The following ZNF148 variants were observed in gnomAD, a reference collection of about 807,000 sequenced individuals.
The protein encoded by ZNF148 is zinc finger protein 148, also known as Beta-Enolase Repressor Factor-1.
ZNF148 carries 7 observed loss-of-function variants against 67.7 expected under a neutral mutation model. That is an observed-to-expected ratio of 0.10 (90% CI 0.06 to 0.19). The LOEUF (loss-of-function observed/expected upper bound fraction) is 0.19, where lower values mean the gene tolerates loss of function less well. ZNF148 is among the 10% of genes least tolerant of loss of function. The pLI is 1.00. For synonymous variants in ZNF148, 333 were observed against 330.7 expected, an observed-to-expected ratio of 1.01 and a Z score of -0.08; for missense variants, 583 against 947.1, an observed-to-expected ratio of 0.62 and a Z score of 5.05.
Position 125,294,049 on chromosome 3 carries a change from C to T in ZNF148, c.334-5821G>A, listed in dbSNP as rs918025367. Among the ~76,000 whole-genome samples, 4 of 152,218 alleles carry T rather than the reference C, an allele frequency of 2.6e-5. No individual in the cohort carries two copies. In the South Asian group the frequency reaches 8.3e-4, roughly 32 times the overall value. On this transcript the variant is annotated intron_variant, in intron 4 of 8. Coordinates refer to ENST00000360647, the MANE Select transcript of ZNF148 (RefSeq NM_021964.3). Reference sequence around the variant, plus strand: ...TTAAGACCTATCCACATTATGTGCCCCCGATATGATGCACTGAGGGGGACA... The same window carrying T: ...TTAAGACCTATCCACATTATGTGCCTCCGATATGATGCACTGAGGGGGACA...
chr3:125,276,456 G>A (rs976042476), intron 7 of ZNF148, among the ~76,000 whole-genome samples: 1 of 151,380 alleles, frequency 6.6e-6, no homozygotes, highest in Non-Finnish European at 1.5e-5. Context: ...TTTTTGAGAC[G>A]GAGTTTCACT....
intron 1 of ZNF148, among the ~76,000 whole-genome samples, chr3:125,369,357 T>C (rs1394153919): frequency 6.8e-5 from 6 of 88,154 alleles, no homozygotes; most frequent in African/African-American, 2.3e-4. Context: ...ACTAAAACTC[T>C]CCAGAAGACA....
intron 7 of ZNF148, among the ~76,000 whole-genome samples, chr3:125,272,119 C>A (rs1022280509): frequency 6.6e-6 from 1 of 152,200 alleles, no homozygotes; most frequent in Non-Finnish European, 1.5e-5. Context: ...AAGCCTAAAT[C>A]AAATTCACTC....
At chr3:125,362,586 A>C (rs1416922002) in intron 1 of ZNF148, among the ~76,000 whole-genome samples, 3 of 146,098 alleles carry the variant, frequency 2.1e-5, no homozygotes, top group Non-Finnish European at 4.5e-5. Flanking sequence ...ACGGGCTCTT[A>C]CTCTGTCACC....
At chr3:125,258,681 A>G (rs1049941311) in intron 7 of ZNF148, among the ~76,000 whole-genome samples, 5 of 152,216 alleles carry the variant, frequency 3.3e-5, no homozygotes, top group Admixed American at 1.3e-4. Context: ...CCCATATGAT[A>G]TAAGTTAAAT....
intron 1 of ZNF148, among the ~76,000 whole-genome samples, chr3:125,336,221 G>C (rs141800692): frequency 2.0e-5 from 3 of 152,126 alleles, no homozygotes; most frequent in Non-Finnish European, 4.4e-5. Flanking sequence ...CCAAAGCAAT[G>C]AAAGGATAAA....
intron 7 of ZNF148, among the ~76,000 whole-genome samples, chr3:125,276,241 A>G (rs1385413197): frequency 6.6e-6 from 1 of 152,162 alleles, no homozygotes; most frequent in African/African-American, 2.4e-5. Flanking sequence ...AAATTTAGCT[A>G]TAAGTCACAC....
chr3:125,232,172 G>T lies in ZNF148; in HGVS notation c.*169C>A. On this transcript the variant is annotated 3_prime_UTR_variant, in exon 9 of 9. Coordinates refer to ENST00000360647, the MANE Select transcript of ZNF148 (RefSeq NM_021964.3). This position sits in a 1 kb window ranked among gnomAD's most constrained non-coding sequence, Gnocchi z 4.2. ...CATGTAAGGCAGTTCAAAGAATGCT[G>T]ACTAACCAAACGAAATGCAGTTATT... 1.3e-6 allele frequency: 1 copy of T among 798,290 alleles called. No individual in the cohort carries two copies. The highest frequency in any genetic ancestry group is 1.9e-6 in the Non-Finnish European group (1 of 539,578). The allele number at this position is 798,290 out of a possible 1,614,324, so 49.5% of individuals were successfully genotyped here. A position where few individuals can be genotyped will look rare whatever the true frequency, so the allele number is the denominator to read the frequency against.
At chr3:125,368,465 T>C (rs1313409362) in intron 1 of ZNF148, among the ~76,000 whole-genome samples, 1 of 152,216 alleles carries the variant, frequency 6.6e-6, no homozygotes, top group African/African-American at 2.4e-5. Context: ...CAAAATCAGC[T>C]AATAAGTCAA....
At chr3:125,305,538 G>A (rs544536189) in intron 4 of ZNF148, among the ~76,000 whole-genome samples, 3 of 152,242 alleles carry the variant, frequency 2.0e-5, no homozygotes, top group South Asian at 4.1e-4. Context: ...GTGGCCGGGC[G>A]TTGTGGCTCA....
In ZNF148 at chr3:125,231,003, C is replaced by A. The variant is rs893648849; in HGVS notation, c.*1338G>T. 2 of 151,754 alleles carry A rather than the reference C, an allele frequency of 1.3e-5. No homozygotes were observed. The allele number at this position is 151,754 out of a possible 1,614,324, so 9.4% of individuals were successfully genotyped here. On this transcript the variant is annotated 3_prime_UTR_variant, in exon 9 of 9. Coordinates refer to ENST00000360647, the MANE Select transcript of ZNF148 (RefSeq NM_021964.3). ...TTTAAGACAGAGTATTAAAAAAAAA[C>A]ATTCATGGTATAAGGATAAAGTCTG... is the stretch of plus-strand genomic sequence containing the variant.
intron 1 of ZNF148, among the ~76,000 whole-genome samples, chr3:125,371,957 G>A (rs1386161367): frequency 4.7e-5 from 7 of 150,182 alleles, no homozygotes; most frequent in African/African-American, 1.2e-4. Flanking sequence ...CCAGCTACTC[G>A]GGAGGCTGAG....
At chr3:125,337,618 A>G (rs1024131370) in intron 1 of ZNF148, among the ~76,000 whole-genome samples, 1 of 152,130 alleles carries the variant, frequency 6.6e-6, no homozygotes, top group Admixed American at 6.5e-5. Context: ...AGATGAAACC[A>G]CCATATTCTG....
At chr3:125,359,917 A>AGCT (rs1942484325) in intron 1 of ZNF148, among the ~76,000 whole-genome samples, 1 of 152,208 alleles carries the variant, frequency 6.6e-6, no homozygotes, top group Admixed American at 6.5e-5. Flanking sequence ...CTGCTCCACC[A>AGCT]GCTGCTAAGT....
intron 7 of ZNF148, among the ~76,000 whole-genome samples, chr3:125,267,603 C>T (rs1286614256): frequency 6.6e-6 from 1 of 152,060 alleles, no homozygotes; most frequent in African/African-American, 2.4e-5. Context: ...CCATCTATGA[C>T]AAACCACAAT....
At chr3:125,335,148 T>C (rs1417774748) in intron 1 of ZNF148, among the ~76,000 whole-genome samples, 1 of 152,200 alleles carries the variant, frequency 6.6e-6, no homozygotes, top group Non-Finnish European at 1.5e-5. Flanking sequence ...AACTTATTCA[T>C]GTTTTTTTCT....
At chr3:125,265,103 C>T (rs1370031825) in intron 7 of ZNF148, among the ~76,000 whole-genome samples, 2 of 152,142 alleles carry the variant, frequency 1.3e-5, no homozygotes, top group Admixed American at 6.5e-5. Flanking sequence ...GGAAAATGAA[C>T]AAAAATACTT....
chr3:125,360,288 T>TTTTTTTG (rs1942496595), intron 1 of ZNF148, among the ~76,000 whole-genome samples: 5 of 152,090 alleles, frequency 3.3e-5, no homozygotes. Context: ...AGGGTTTTTG[T>TTTTTTTG]ATTTTTTTGA....
At position 125,279,274 on chromosome 3, in the gene ZNF148, CA is replaced by C. The variant is rs768972371; in HGVS notation, c.460-28del. 4 of 1,365,168 alleles carry C rather than the reference CA, an allele frequency of 2.9e-6. No homozygotes were observed. In the South Asian group the frequency reaches 6.8e-5, roughly 23 times the overall value. 84.6% of individuals were successfully genotyped at this position (1,365,168 alleles called of 1,614,324 possible). A position where few individuals can be genotyped will look rare whatever the true frequency, so the allele number is the denominator to read the frequency against. ...TAGTTCAAAAAAAAAAAGGCAAAAA[CA>C]AAAGAAATAAGTTTTTAAAATGTAA... is the stretch of plus-strand genomic sequence containing the variant. On this transcript the variant is annotated intron_variant, in intron 5 of 8. Coordinates refer to ENST00000360647, the MANE Select transcript of ZNF148 (RefSeq NM_021964.3).
Sources: allele counts gnomAD v4.1 joint callset (sites outside exome capture counted in the v4.1 genomes callset), GRCh38; gene constraint gnomAD v4.1.1; non-coding constraint Gnocchi (gnomAD v3.1); transcripts MANE v1.5; gene names NCBI Gene and HGNC (gene_info 2026-07-23, HGNC 2026-07-21).